EXOC4: variants seen among roughly 807,000 people sequenced by gnomAD.
The protein encoded by EXOC4 is exocyst complex component 4.
In EXOC4, 71 loss-of-function variants were observed where a neutral mutation model predicts 107.2. That is an observed-to-expected ratio of 0.66 (90% confidence interval 0.55 to 0.81). The LOEUF is 0.81. EXOC4 is among the 30% of genes least tolerant of loss of function. The pLI is 0.00. For synonymous variants in EXOC4, 456 were observed against 441.2 expected, an observed-to-expected ratio of 1.03 and a Z score of -0.42; for missense variants, 1,108 against 1,189.6, an observed-to-expected ratio of 0.93 and a Z score of 1.01.
chr7:133,336,766 G>T (rs1418326594), intron 5 of EXOC4, among the ~76,000 whole-genome samples: 2 of 149,676 alleles, frequency 1.3e-5, no homozygotes, highest in African/African-American at 4.9e-5. Flanking sequence ...ATGGAGTCTT[G>T]CTCTGTCGCC....
At chr7:133,575,462 A>G (rs539723491) in intron 9 of EXOC4, among the ~76,000 whole-genome samples, 14 of 152,332 alleles carry the variant, frequency 9.2e-5, no homozygotes, top group African/African-American at 2.2e-4. Flanking sequence ...AACGTATACA[A>G]TACTGCTTTA....
intron 10 of EXOC4, among the ~76,000 whole-genome samples, chr7:133,702,856 A>G (rs537939361): frequency 5.9e-5 from 9 of 152,324 alleles, no homozygotes; most frequent in African/African-American, 1.9e-4. Context: ...AGCTCATCAC[A>G]TATTTGCACC....
intron 7 of EXOC4, among the ~76,000 whole-genome samples, chr7:133,455,515 A>G (rs1209083130): frequency 6.6e-6 from 1 of 152,202 alleles, no homozygotes; most frequent in Non-Finnish European, 1.5e-5. Flanking sequence ...TTAAAATGTC[A>G]TGGTTGATAT....
At chr7:133,370,489 A>G (rs769723961) in intron 6 of EXOC4, among the ~76,000 whole-genome samples, 1 of 152,148 alleles carries the variant, frequency 6.6e-6, no homozygotes, top group Non-Finnish European at 1.5e-5. Flanking sequence ...TTCCAAAGGA[A>G]GCAATCAGAT....
chr7:133,269,334 A>C (rs1793810606), intron 1 of EXOC4, among the ~76,000 whole-genome samples: 1 of 152,204 alleles, frequency 6.6e-6, no homozygotes, highest in Non-Finnish European at 1.5e-5. Flanking sequence ...TTTGGAGTCA[A>C]ATATACTTAG....
chr7:133,679,548 C>CCATCCATA (rs1437364142), intron 10 of EXOC4, among the ~76,000 whole-genome samples: 85 of 151,560 alleles, frequency 5.6e-4, no homozygotes, highest in African/African-American at 2.0e-3. Flanking sequence ...GTCCGTCCAT[C>CCATCCATA]CATCCATCCA....
Position 133,496,243 on chromosome 7 carries a change from C to T in EXOC4, c.1417+16105C>T, listed in dbSNP as rs117578071. On this transcript the variant is annotated intron_variant, in intron 9 of 17. Coordinates refer to ENST00000253861, the MANE Select transcript of EXOC4 (RefSeq NM_021807.4). ...GATCATAACTCACTGCAGCCTTGAT[C>T]TCCTGGACATCAGGTGATCTTCCTG... Among the ~76,000 whole-genome samples the T allele has an allele frequency of 2.9e-3, 434 of 152,160 alleles. 1 individual carries two copies. The highest frequency in any genetic ancestry group is 0.017 in the South Asian group (82 of 4,812).
In EXOC4 at chr7:133,516,758, A is replaced by ATT. The variant is rs780319592; in HGVS notation, c.1417+36633_1417+36634dup. ...TGGGAAACTGCCAAACTAGCTGCTC[A>ATT]TTTTTTTTTTTTTTACAGAATTTAT... On this transcript the variant is annotated intron_variant, in intron 9 of 17. Transcript: ENST00000253861. Among the ~76,000 whole-genome samples, 158 of 49,042 alleles carry ATT rather than the reference A, an allele frequency of 3.2e-3. 18 individuals are homozygous for ATT. Among genetic ancestry groups the ATT allele is most frequent in the African/African-American group, 9.0e-3 (141 of 15,746 alleles). The allele number at this position is 49,042 out of a possible 152,430, so 32.2% of individuals were successfully genotyped here.
At chr7:133,989,356 G>T (rs1001047130) in intron 14 of EXOC4, among the ~76,000 whole-genome samples, 2 of 152,050 alleles carry the variant, frequency 1.3e-5, no homozygotes, top group African/African-American at 4.8e-5. Flanking sequence ...ATCAAATAAG[G>T]TTTAGGAGCC....
intron 9 of EXOC4, among the ~76,000 whole-genome samples, chr7:133,617,514 A>G (rs756669936): frequency 3.5e-4 from 54 of 152,224 alleles, no homozygotes; most frequent in Non-Finnish European, 6.5e-4. Flanking sequence ...TATTAGACAA[A>G]GTACTGCTAA....
chr7:133,830,364 C>A (rs1439263235), intron 11 of EXOC4, among the ~76,000 whole-genome samples: 1 of 152,200 alleles, frequency 6.6e-6, no homozygotes, highest in South Asian at 2.1e-4. Context: ...AGTAGGCTGG[C>A]CTGCCAGTTA....
intron 10 of EXOC4, among the ~76,000 whole-genome samples, chr7:133,722,540 TG>T (rs1795126734): frequency 1.3e-5 from 2 of 152,202 alleles, no homozygotes; most frequent in African/African-American, 2.4e-5. Context: ...GTAGCCAATT[TG>T]GAAATATTGA....
chr7:134,090,172 A>C, the EXOC4 span, among the ~76,000 whole-genome samples: 10 of 152,162 alleles, frequency 6.6e-5, no homozygotes, highest in African/African-American at 2.4e-4. Context: ...CACACACACA[A>C]CACACATAAA....
At chr7:134,024,114 G>A (rs992618968) in intron 17 of EXOC4, among the ~76,000 whole-genome samples, 1 of 152,196 alleles carries the variant, frequency 6.6e-6, no homozygotes, top group South Asian at 2.1e-4. Flanking sequence ...TCCTACCTAG[G>A]GTGGTACCAC....
the EXOC4 span, among the ~76,000 whole-genome samples, chr7:134,086,125 T>C: frequency 6.6e-6 from 1 of 152,170 alleles, no homozygotes; most frequent in Non-Finnish European, 1.5e-5. Context: ...CTAAGTTAAC[T>C]GAGTAGGACT....
intron 17 of EXOC4, among the ~76,000 whole-genome samples, chr7:134,018,031 G>T (rs372879035): frequency 1.3e-4 from 20 of 152,172 alleles, no homozygotes; most frequent in East Asian, 1.2e-3. Context: ...GAAATAAGAA[G>T]TGACTTGTCC....
rs752716841 is a variant in EXOC4, at chr7:133,904,020, G to A, written c.1871+8285G>A. ...GAGTAGTAGGGATGAAAACTGGATG[G>A]GTGTGGCCTTAAAAAAGAGACTGGG... On this transcript the variant is annotated intron_variant, in intron 12 of 17. Transcript: ENST00000253861. Among the ~76,000 whole-genome samples the A allele has an allele frequency of 2.3e-4, 35 of 152,092 alleles. 1 individual carries two copies. Among genetic ancestry groups the A allele is most frequent in the Admixed American group, 6.5e-4 (10 of 15,268 alleles).
chr7:134,097,789 C>A, the EXOC4 span, among the ~76,000 whole-genome samples: 1 of 152,172 alleles, frequency 6.6e-6, no homozygotes, highest in Non-Finnish European at 1.5e-5. Context: ...TAAGGTGTTA[C>A]AGCTCTGGTC....
intron 13 of EXOC4, among the ~76,000 whole-genome samples, chr7:133,918,149 A>T (rs1585247711): frequency 6.6e-6 from 1 of 151,380 alleles, no homozygotes; most frequent in Non-Finnish European, 1.5e-5. Flanking sequence ...CGCCCGGCTA[A>T]TTTTTTATTT....
Sources: allele counts gnomAD v4.1 joint callset (sites outside exome capture counted in the v4.1 genomes callset), GRCh38; gene constraint gnomAD v4.1.1; transcripts MANE v1.5; gene names NCBI Gene and HGNC (gene_info 2026-07-23, HGNC 2026-07-21).